The following RPTOR variants were observed in gnomAD, a reference collection of about 807,000 sequenced individuals.
RPTOR encodes regulatory-associated protein of mTOR.
A neutral mutation model predicts 169.9 loss-of-function variants in RPTOR; 21 were observed. The ratio of observed to expected loss-of-function variants is 0.12; its 90% CI spans 0.09 to 0.18. The LOEUF (loss-of-function observed/expected upper bound fraction) is 0.18. RPTOR is among the 10% of genes least tolerant of loss of function. The pLI is 1.00. For missense variants in RPTOR, 1,133 were observed against 1,855.9 expected (o/e 0.61, Z 7.16); for synonymous variants, 732 against 753.2 (o/e 0.97, Z 0.46).
intron 24 of RPTOR, among the ~76,000 whole-genome samples, chr17:80,932,517 A>C (rs1177190368): frequency 6.6e-6 from 1 of 152,234 alleles, no homozygotes; most frequent in Non-Finnish European, 1.5e-5. Context: ...GCAAAGGTAG[A>C]CAACAAACAT....
At chr17:80,849,764 C>T (rs757370118) in intron 11 of RPTOR, among the ~76,000 whole-genome samples, 4 of 152,304 alleles carry the variant, frequency 2.6e-5, no homozygotes, top group African/African-American at 4.8e-5. Flanking sequence ...GTGATCCACC[C>T]GCCTCGGCCT....
intron 1 of RPTOR, among the ~76,000 whole-genome samples, chr17:80,603,461 G>A (rs1420973571): frequency 1.3e-5 from 2 of 152,170 alleles, no homozygotes; most frequent in African/African-American, 2.4e-5. Context: ...ATCCTTTGAA[G>A]GGTTAAGGGA....
In RPTOR at chr17:80,965,092, G is replaced by A. The variant is rs1598430745; in HGVS notation, c.*762G>A. 3.0e-5 allele frequency: 7 copies of A among 233,302 alleles called. No homozygotes were observed. In the East Asian group the frequency reaches 4.2e-4, roughly 14 times the overall value. The allele number at this position is 233,302 out of a possible 1,614,324, so 14.5% of individuals were successfully genotyped here. A position where few individuals can be genotyped will look rare whatever the true frequency, so the allele number is the denominator to read the frequency against. On this transcript the variant is annotated 3_prime_UTR_variant, in exon 34 of 34. Transcript: ENST00000306801. ...CTGTGGCGGTGCACAGGGGAGGCAG[G>A]TCCTTGGCGAGGTAGCCCCTGCCTT...
chr17:80,587,108 A>G (rs1442444795), intron 1 of RPTOR, among the ~76,000 whole-genome samples: 1 of 152,238 alleles, frequency 6.6e-6, no homozygotes, highest in Non-Finnish European at 1.5e-5. Flanking sequence ...TGTCGGGTGC[A>G]GACGGGGCGC....
chr17:80,547,816 T>A (rs1884838549), intron 1 of RPTOR, among the ~76,000 whole-genome samples: 2 of 152,144 alleles, frequency 1.3e-5, no homozygotes, highest in African/African-American at 4.8e-5. Context: ...ATGGCATAGG[T>A]TCAAAGATAA....
intron 28 of RPTOR, among the ~76,000 whole-genome samples, chr17:80,956,003 GCCTAA>G (rs2069243587): frequency 6.6e-6 from 1 of 152,194 alleles, no homozygotes; most frequent in Admixed American, 6.5e-5. Context: ...AATCCTCAAA[GCCTAA>G]CATTAAAGAA....
Position 80,726,035 on chromosome 17 carries a change from G to A in RPTOR, c.508-4525G>A, listed in dbSNP as rs1427906937. On this transcript the variant is annotated intron_variant, in intron 4 of 33. Coordinates refer to ENST00000306801, the MANE Select transcript of RPTOR (RefSeq NM_020761.3). This position sits in a 1 kb window ranked among gnomAD's most constrained non-coding sequence, Gnocchi z 4.5. ...GTGGTGCTGCGGAAGATTGTGTGGT[G>A]CACAGGGCAGCCCCACAAGGAGCGG... Among the ~76,000 whole-genome samples, 2 of 152,206 alleles carry A rather than the reference G, an allele frequency of 1.3e-5. No homozygotes were observed. Among genetic ancestry groups the A allele is most frequent in the Non-Finnish European group, 1.5e-5 (1 of 68,032 alleles).
At chr17:80,640,903 C>T (rs371850269) in intron 2 of RPTOR, among the ~76,000 whole-genome samples, 10 of 152,232 alleles carry the variant, frequency 6.6e-5, no homozygotes, top group Admixed American at 1.3e-4. Context: ...AGATGACAGC[C>T]GCGGGCCGCG....
chr17:80,918,907 G>A (rs983397650), intron 21 of RPTOR, among the ~76,000 whole-genome samples: 7 of 152,090 alleles, frequency 4.6e-5, no homozygotes, highest in African/African-American at 1.7e-4. Flanking sequence ...TGTCTATGTC[G>A]CCATCAGCTC....
At chr17:80,942,412 CA>C (rs1161057379) in intron 25 of RPTOR, among the ~76,000 whole-genome samples, 1 of 149,102 alleles carries the variant, frequency 6.7e-6, no homozygotes, top group African/African-American at 2.5e-5. Context: ...ATTTCTAGAC[CA>C]AAAAAAAGAA....
intron 28 of RPTOR, among the ~76,000 whole-genome samples, chr17:80,949,874 G>A (rs1055573099): frequency 6.6e-5 from 10 of 152,234 alleles, no homozygotes; most frequent in African/African-American, 1.9e-4. Flanking sequence ...CCCGCATCAC[G>A]GGGTCCTTCT....
intron 1 of RPTOR, among the ~76,000 whole-genome samples, chr17:80,584,122 G>A (rs2065039906): frequency 6.6e-6 from 1 of 152,216 alleles, no homozygotes; most frequent in Non-Finnish European, 1.5e-5. Context: ...CCAGGCCGAG[G>A]AGACCCCCGC....
chr17:80,663,617 A>G (rs981811949), intron 3 of RPTOR, among the ~76,000 whole-genome samples: 1 of 152,170 alleles, frequency 6.6e-6, no homozygotes, highest in African/African-American at 2.4e-5. Context: ...GTTTGTGCTT[A>G]TTATGGAGTG....
At chr17:80,829,392 G>A (rs1475076013) in intron 9 of RPTOR, among the ~76,000 whole-genome samples, 2 of 152,162 alleles carry the variant, frequency 1.3e-5, no homozygotes, top group Admixed American at 6.5e-5. Flanking sequence ...GGCGGTTTTG[G>A]CCCACAGTTG....
rs2065598032 is a variant in RPTOR, at chr17:80,646,604, T to C, written c.348+2794T>C. ...CTGTAAATCAGGGTCCTTTGAAACA[T>C]TGCAAGGCTAAACACGCACCACTTG... On this transcript the variant is annotated intron_variant, in intron 3 of 33. Transcript: ENST00000306801. The surrounding 1 kb of genome is among the most constrained non-coding windows in gnomAD (Gnocchi z 5.0). Among the ~76,000 whole-genome samples, 1 of 152,184 alleles carries C rather than the reference T, an allele frequency of 6.6e-6. No homozygotes were observed. The highest frequency in any genetic ancestry group is 1.5e-5 in the Non-Finnish European group (1 of 68,040).
chr17:80,962,371 C>A, intron 31 of RPTOR, 90 bp from the exon 32 acceptor site: 2 of 991,910 alleles, frequency 2.0e-6, no homozygotes, highest in Non-Finnish European at 3.1e-6. Context: ...AACAGGTGTG[C>A]GACCCCACAC....
At chr17:80,548,801 T>C (rs2084310535) in intron 1 of RPTOR, among the ~76,000 whole-genome samples, 1 of 152,214 alleles carries the variant, frequency 6.6e-6, no homozygotes, top group African/African-American at 2.4e-5. Context: ...TAAAGTGAAA[T>C]GTGTGGGCGT....
intron 11 of RPTOR, among the ~76,000 whole-genome samples, chr17:80,850,003 CTTCT>C (rs1292026518): frequency 1.3e-5 from 2 of 152,240 alleles, no homozygotes; most frequent in South Asian, 2.1e-4. Flanking sequence ...GACTTTTCTT[CTTCT>C]TTCTTTTTCA....
intron 25 of RPTOR, among the ~76,000 whole-genome samples, chr17:80,945,042 C>G (rs1478327768): frequency 6.6e-6 from 1 of 151,882 alleles, no homozygotes; most frequent in Non-Finnish European, 1.5e-5. Context: ...GCCCATAATC[C>G]CAACACTTGA....
Sources: gnomAD v4.1 joint callset for allele counts (sites outside exome capture counted in the v4.1 genomes callset) on GRCh38, gnomAD v4.1.1 for gene constraint, Gnocchi (gnomAD v3.1) non-coding constraint, MANE v1.5 for transcripts, NCBI Gene and HGNC (gene_info 2026-07-23, HGNC 2026-07-21) for gene names.